ASTN1: variants seen among roughly 807,000 people sequenced by gnomAD.
The protein encoded by ASTN1 is astrotactin 1.
ASTN1 carries 41 observed loss-of-function variants against 140.7 expected under a neutral mutation model. That is an observed-to-expected ratio of 0.29 (90% confidence interval 0.23 to 0.38). The LOEUF is 0.38. ASTN1 is among the 10% of genes least tolerant of loss of function. The probability of loss-of-function intolerance (pLI) is 1.00; values close to 1 mark genes in which losing one functional copy is unlikely to be tolerated. For missense variants in ASTN1, 1,479 were observed against 1,678.8 expected, an observed-to-expected ratio of 0.88 and a Z score of 2.08; for synonymous variants, 640 against 652.2, an observed-to-expected ratio of 0.98 and a Z score of 0.29.
intron 16 of ASTN1, among the ~76,000 whole-genome samples, chr1:176,931,476 A>G (rs1290967298): frequency 6.6e-6 from 1 of 150,678 alleles, no homozygotes; most frequent in Non-Finnish European, 1.5e-5. Flanking sequence ...TTGAAAAAAT[A>G]AATAAATAAA....
intron 15 of ASTN1, 165 bp downstream of exon 15, chr1:176,936,101 T>C (rs929541658): frequency 2.8e-6 from 2 of 706,764 alleles, no homozygotes. Context: ...AATTCGATTC[T>C]AGCCATCTGC....
chr1:177,126,213 C>A (rs796314400), intron 1 of ASTN1, among the ~76,000 whole-genome samples: 2 of 152,092 alleles, frequency 1.3e-5, no homozygotes, highest in South Asian at 4.2e-4. Flanking sequence ...CATCTGATTG[C>A]CTTGGGCTTC....
intron 1 of ASTN1, among the ~76,000 whole-genome samples, chr1:177,067,014 T>C (rs1678395092): frequency 6.6e-6 from 1 of 152,136 alleles, no homozygotes; most frequent in Non-Finnish European, 1.5e-5. Context: ...CTGATGGCTA[T>C]GACTGACTGT....
intron 2 of ASTN1, among the ~76,000 whole-genome samples, chr1:177,041,562 C>T (rs558116624): frequency 6.6e-6 from 1 of 152,308 alleles, no homozygotes; most frequent in Non-Finnish European, 1.5e-5. Flanking sequence ...TAAATATCGC[C>T]AGCTGGATAA....
Position 177,020,857 on chromosome 1 carries a change from G to A in ASTN1, c.1438+2547C>T, listed in dbSNP as rs535176144. Reference sequence around the variant, plus strand: ...AGTGACTGAGCATCTGTGTTTGTGTGTTTGTGTGTGTGTGTGTGTAAAAGT... The same window carrying A: ...AGTGACTGAGCATCTGTGTTTGTGTATTTGTGTGTGTGTGTGTGTAAAAGT... On this transcript the variant is annotated intron_variant, in intron 7 of 22. Transcript: ENST00000361833. Among the ~76,000 whole-genome samples the A allele has an allele frequency of 2.6e-5, 4 of 152,290 alleles. No individual in the cohort carries two copies. The East Asian group carries it at 7.7e-4, about 29-fold the overall frequency.
intron 17 of ASTN1, among the ~76,000 whole-genome samples, chr1:176,891,964 AACT>A (rs1227103632): frequency 6.6e-6 from 1 of 152,216 alleles, no homozygotes; most frequent in South Asian, 2.1e-4. Flanking sequence ...TTTGAGCTGA[AACT>A]GAAGTAACAG....
intron 1 of ASTN1, among the ~76,000 whole-genome samples, chr1:177,074,146 T>C (rs571811209): frequency 6.6e-6 from 1 of 152,282 alleles, no homozygotes; most frequent in East Asian, 1.9e-4. Context: ...AAGATCCTTT[T>C]ATTTCATAAC....
intron 2 of ASTN1, among the ~76,000 whole-genome samples, chr1:177,050,649 T>C (rs1252492356): frequency 2.0e-5 from 3 of 152,204 alleles, no homozygotes; most frequent in Admixed American, 6.5e-5. Context: ...GTAAGCCATT[T>C]AACAAACTTT....
intron 12 of ASTN1, among the ~76,000 whole-genome samples, chr1:176,948,666 C>T (rs1405700105): frequency 5.3e-5 from 8 of 152,174 alleles, no homozygotes; most frequent in Admixed American, 5.2e-4. Flanking sequence ...AGAAAGGGCT[C>T]TTCACACGGA....
intron 1 of ASTN1, among the ~76,000 whole-genome samples, chr1:177,065,219 C>G (rs1035725268): frequency 3.9e-5 from 6 of 152,174 alleles, no homozygotes; most frequent in African/African-American, 1.4e-4. Flanking sequence ...ATGGCATCAT[C>G]ACGCTGTGGG....
At chr1:176,895,024 C>T (rs763471726) in intron 16 of ASTN1, among the ~76,000 whole-genome samples, 194 bp from the exon 17 acceptor site, 5 of 152,078 alleles carry the variant, frequency 3.3e-5, no homozygotes, top group Non-Finnish European at 7.4e-5. Context: ...TGGAAATGGC[C>T]CTTTTCAGTG....
At chr1:176,932,403 T>G (rs558481808) in intron 16 of ASTN1, among the ~76,000 whole-genome samples, 1 of 151,582 alleles carries the variant, frequency 6.6e-6, no homozygotes, top group East Asian at 1.9e-4. Context: ...ACATTCCCTT[T>G]TGCTGCATTT....
intron 22 of ASTN1, among the ~76,000 whole-genome samples, chr1:176,866,931 T>C (rs1358725599): frequency 6.6e-6 from 1 of 152,226 alleles, no homozygotes; most frequent in Non-Finnish European, 1.5e-5. Flanking sequence ...TCCTTTCCTG[T>C]GGTTCTCTCT....
intron 16 of ASTN1, among the ~76,000 whole-genome samples, chr1:176,901,300 G>T (rs1296538511): frequency 6.6e-6 from 1 of 152,204 alleles, no homozygotes; most frequent in Non-Finnish European, 1.5e-5. Context: ...ATTCCCTTGG[G>T]ATGTGAGCAC....
At chr1:176,929,377 T>G (rs549072656) in intron 16 of ASTN1, among the ~76,000 whole-genome samples, 1 of 151,882 alleles carries the variant, frequency 6.6e-6, no homozygotes, top group Non-Finnish European at 1.5e-5. Flanking sequence ...GAGACTGGAG[T>G]GATGCACTCT....
chr1:176,862,825 C>T lies in ASTN1; in HGVS notation c.*1459G>A, dbSNP rs1668011012. 1 of 985,272 alleles carries T rather than the reference C, an allele frequency of 1.0e-6. No individual in the cohort carries two copies. The highest frequency in any genetic ancestry group is 1.2e-6 in the Non-Finnish European group (1 of 829,906). The allele number at this position is 985,272 out of a possible 1,614,324, so 61.0% of individuals were successfully genotyped here. On this transcript the variant is annotated 3_prime_UTR_variant, in exon 23 of 23. Transcript: ENST00000361833. The stretch of plus-strand genomic sequence containing the variant: ...ACTCAATAAATGTTATCTGTCACTA[C>T]TACTATTTAGAAAAAAAACCAATAT...
intron 6 of ASTN1, among the ~76,000 whole-genome samples, chr1:177,023,949 C>T (rs1406375859): frequency 2.0e-5 from 3 of 152,202 alleles, no homozygotes; most frequent in Non-Finnish European, 4.4e-5. Flanking sequence ...CCTGTCTTCA[C>T]GTGCTATGAG....
At chr1:176,973,364 T>C (rs570877840) in intron 8 of ASTN1, among the ~76,000 whole-genome samples, 7 of 152,244 alleles carry the variant, frequency 4.6e-5, no homozygotes, top group African/African-American at 1.7e-4. Flanking sequence ...TTGTAATCAT[T>C]CCCTTTCATG....
intron 16 of ASTN1, among the ~76,000 whole-genome samples, chr1:176,899,692 C>A (rs144574019): frequency 6.6e-6 from 1 of 152,232 alleles, no homozygotes; most frequent in Non-Finnish European, 1.5e-5. Context: ...CCAACCCCCA[C>A]CCCAGTCTAC....
Sources: gnomAD v4.1 joint callset for allele counts (sites outside exome capture counted in the v4.1 genomes callset) on GRCh38, gnomAD v4.1.1 for gene constraint, MANE v1.5 for transcripts, NCBI Gene and HGNC (gene_info 2026-07-23, HGNC 2026-07-21) for gene names.